EPS15L1: variants seen among roughly 807,000 people sequenced by gnomAD.
The protein encoded by EPS15L1 is epidermal growth factor receptor substrate 15-like 1.
EPS15L1 carries 43 observed loss-of-function variants against 117.1 expected under a neutral mutation model. The observed-to-expected ratio is 0.37, with a 90% CI of 0.29 to 0.47. The LOEUF (loss-of-function observed/expected upper bound fraction) is 0.47. Among genes scored for constraint, EPS15L1 ranks in the 20% least tolerant of loss-of-function variants. The pLI is 0.99. For missense variants in EPS15L1, 981 were observed against 1,164.0 expected (o/e 0.84, Z 2.29); for synonymous variants, 459 against 470.5 (o/e 0.98, Z 0.32).
chr19:16,421,473 T>C lies in EPS15L1; in HGVS notation c.796A>G (p.Thr266Ala), dbSNP rs1599621085. ...PKHSLKQTQPTVNWVVPVADK... is the reference protein window; with the variant it reads ...PKHSLKQTQPAVNWVVPVADK... ...GCCACGGGCACCACCCAGTTCACTGTTGGCTGAAACAGTTTTTGGCAAAAC... is the reference window on the plus strand; with the variant it reads ...GCCACGGGCACCACCCAGTTCACTGCTGGCTGAAACAGTTTTTGGCAAAAC... The change falls in exon 10 of 24, where the codon ACA (threonine) becomes GCA (alanine). Residue 266 changes from threonine to alanine, a missense_variant. Thr to Ala is a moderately conservative substitution (Grantham distance 58). Transcript: ENST00000455140. 6.2e-7 allele frequency: 1 copy of C among 1,610,466 alleles called. No homozygotes were observed. The highest frequency in any genetic ancestry group is 8.5e-7 in the Non-Finnish European group (1 of 1,176,902).
chr19:16,392,329 G>A lies in EPS15L1; in HGVS notation c.2078C>T (p.Thr693Met), dbSNP rs140895469. 7.5e-4 allele frequency: 1,218 copies of A among 1,614,118 alleles called. 18 individuals carry two copies. The East Asian group carries it at 0.027, about 35-fold the overall frequency. ...CTTCGAAGGTAAGGAAGGGTTTTTC[G>A]TGAATGGATCCGAGGTAAATGGGTC... ...KNDPFTSDPFTKNPSLPSKLD... is the reference protein window; with the variant it reads ...KNDPFTSDPFMKNPSLPSKLD... Residue 693 changes from threonine (T) to methionine (M), a missense_variant, in exon 19 of 24, where the codon ACG becomes ATG. Around this residue, in one of 5 missense-constraint regions of EPS15L1, gnomAD observed 819 missense variants for 949.0 expected, o/e 0.86. Transcript: ENST00000455140.
At chr19:16,453,047 G>T (rs540061838) in intron 1 of EPS15L1, among the ~76,000 whole-genome samples, 1 of 151,938 alleles carries the variant, frequency 6.6e-6, no homozygotes, top group East Asian at 2.0e-4. Flanking sequence ...TGATCTGCCC[G>T]CCTCGGTCTC....
intron 20 of EPS15L1, among the ~76,000 whole-genome samples, chr19:16,385,781 T>C (rs1244279941): frequency 6.6e-6 from 1 of 152,222 alleles, no homozygotes; most frequent in African/African-American, 2.4e-5. Flanking sequence ...AGTTCTACAC[T>C]GTGAGATGAG....
At chr19:16,375,358 G>A (rs888485191) in intron 22 of EPS15L1, among the ~76,000 whole-genome samples, 9 of 152,012 alleles carry the variant, frequency 5.9e-5, no homozygotes, top group African/African-American at 2.2e-4. Flanking sequence ...GTGCATGCAA[G>A]AGCATACACG....
chr19:16,371,962 C>T lies in EPS15L1; in HGVS notation c.2380+5160G>A, dbSNP rs1474438937. Among the ~76,000 whole-genome samples, 1 of 152,222 alleles carries T rather than the reference C, an allele frequency of 6.6e-6. No homozygotes were observed. Among genetic ancestry groups the T allele is most frequent in the Non-Finnish European group, 1.5e-5 (1 of 68,044 alleles). On this transcript the variant is annotated intron_variant, in intron 22 of 23. Coordinates refer to ENST00000455140, the MANE Select transcript of EPS15L1 (RefSeq NM_001258374.3). The surrounding 1 kb of genome is among the most constrained non-coding windows in gnomAD (Gnocchi z 4.7). ...GCAGCCTGCCGGGTCTGTGCTGCAT[C>T]TGCCTGAAAGAAACCAGTTTCTTCT...
At chr19:16,378,681 G>A (rs1280412891) in intron 21 of EPS15L1, among the ~76,000 whole-genome samples, 2 of 152,166 alleles carry the variant, frequency 1.3e-5, no homozygotes, top group Non-Finnish European at 2.9e-5. Context: ...GGGGATGCTT[G>A]TCCCTCACTT....
chr19:16,440,608 C>T (rs1015318055), intron 4 of EPS15L1: 2 of 255,678 alleles, frequency 7.8e-6, no homozygotes, highest in Non-Finnish European at 1.5e-5. Context: ...ACACTTTAAT[C>T]ACATGTAAGG....
At chr19:16,401,632 G>A in intron 16 of EPS15L1, 1 of 985,398 alleles carries the variant, frequency 1.0e-6, no homozygotes, top group Non-Finnish European at 1.2e-6. Context: ...GAACAGGGGG[G>A]ATGTGACCAC....
intron 4 of EPS15L1, 139 bp from the exon 5 acceptor site, chr19:16,438,004 C>T (rs893182629): frequency 7.7e-6 from 5 of 646,316 alleles, no homozygotes; most frequent in South Asian, 1.8e-5. Flanking sequence ...CCCCTTGGAG[C>T]GTTGGGCTGA....
intron 10 of EPS15L1, 64 bp downstream of exon 10, chr19:16,421,255 C>T (rs1415156677): frequency 1.6e-5 from 25 of 1,535,364 alleles, no homozygotes; most frequent in Non-Finnish European, 1.9e-5. Flanking sequence ...CCACCCTCCA[C>T]AGTCTTCACC....
chr19:16,361,624 T>C, intron 23 of EPS15L1, 155 bp downstream of exon 23: 1 of 1,343,090 alleles, frequency 7.4e-7, no homozygotes, highest in Non-Finnish European at 9.6e-7. Context: ...CTTACAGAAG[T>C]GGCAGTGTAG....
At chr19:16,377,439 G>A (rs1376231290) in intron 21 of EPS15L1, among the ~76,000 whole-genome samples, 185 bp from the exon 22 acceptor site, 3 of 152,258 alleles carry the variant, frequency 2.0e-5, no homozygotes, top group African/African-American at 4.8e-5. Context: ...ACCCTCAACA[G>A]CAGGGGCCCT....
Position 16,404,595 on chromosome 19 carries a change from G to A in EPS15L1, c.1421C>T (p.Thr474Ile). Residue 474 changes from threonine (T) to isoleucine (I), a missense_variant, in exon 14 of 24, where the codon ACT becomes ATT. Thr to Ile is a moderately conservative substitution (Grantham distance 89). Transcript: ENST00000455140. The surrounding 1 kb of genome is among the most constrained non-coding windows in gnomAD (Gnocchi z 4.2). ...SDVRQKCQDE[T>I]QMISSLKTQI... is the part of the protein sequence containing the mutation. ...GAGGTGGCCGGGACCCACCATCTGA[G>A]TCTCATCCTGGCACTTCTGCCGGAC... 1 of 1,614,134 alleles carries A rather than the reference G, an allele frequency of 6.2e-7. No individual in the cohort carries two copies.
At chr19:16,389,680 G>C (rs1050369725) in intron 19 of EPS15L1, among the ~76,000 whole-genome samples, 4 of 152,120 alleles carry the variant, frequency 2.6e-5, no homozygotes, top group African/African-American at 9.7e-5. Flanking sequence ...ACAGTCTTAT[G>C]GAGTTTCTAA....
chr19:16,439,231 A>G (rs1051807709), intron 4 of EPS15L1, among the ~76,000 whole-genome samples: 5 of 152,174 alleles, frequency 3.3e-5, no homozygotes, highest in Admixed American at 6.5e-5. Flanking sequence ...GTAGAGGATC[A>G]TAAGAGGGTT....
Position 16,440,770 on chromosome 19 carries a change from A to T in EPS15L1, c.213+92T>A, listed in dbSNP as rs535702931. 2.4e-5 allele frequency: 27 copies of T among 1,120,698 alleles called. No homozygotes were observed. The South Asian group carries it at 2.9e-4, about 12-fold the overall frequency. The allele number at this position is 1,120,698 out of a possible 1,614,324, so 69.4% of individuals were successfully genotyped here. ...CCGTGCTCATGCCTAGTAATACTTG[A>T]CAGTGGAGGAATGTGGAAGGAGCCG... On this transcript the variant is annotated intron_variant, in intron 4 of 23. Transcript: ENST00000455140.
intron 19 of EPS15L1, among the ~76,000 whole-genome samples, chr19:16,391,040 T>C (rs2144766371): frequency 6.6e-6 from 1 of 152,196 alleles, no homozygotes; most frequent in East Asian, 1.9e-4. Flanking sequence ...CCTTGACTTA[T>C]GATGGGACTG....
At chr19:16,430,126 T>G (rs1381621550) in intron 7 of EPS15L1, among the ~76,000 whole-genome samples, 1 of 152,190 alleles carries the variant, frequency 6.6e-6, no homozygotes, top group African/African-American at 2.4e-5. Context: ...ATGCCCAGAC[T>G]TCTACCAGAG....
chr19:16,379,221 C>T (rs1263216742), intron 21 of EPS15L1, among the ~76,000 whole-genome samples: 1 of 152,114 alleles, frequency 6.6e-6, no homozygotes, highest in African/African-American at 2.4e-5. Flanking sequence ...AGGAGAATGG[C>T]GTGAACCTGG....
Sources: gnomAD v4.1 joint callset for allele counts (sites outside exome capture counted in the v4.1 genomes callset) on GRCh38, gnomAD v4.1.1 for gene constraint, gnomAD v4.1.1 regional missense constraint, Gnocchi (gnomAD v3.1) non-coding constraint, MANE v1.5 for transcripts, NCBI Gene and HGNC (gene_info 2026-07-23, HGNC 2026-07-21) for gene names.